Variants in MYOF observed in about 807,000 individuals in gnomAD.
MYOF encodes the protein myoferlin, also known as fer-1-like 3, myoferlin.
A neutral mutation model predicts 284.2 loss-of-function variants in MYOF; 244 were observed. The observed-to-expected ratio is 0.86, with a 90% CI of 0.77 to 0.95. MYOF has a LOEUF of 0.95. MYOF is among the 40% of genes least tolerant of loss of function. MYOF has a pLI of 0.00. For missense variants in MYOF, 2,496 were observed against 2,560.6 expected (o/e 0.97, Z 0.54); for synonymous variants, 904 against 919.7 (o/e 0.98, Z 0.31).
At chr10:93,450,526 A>G (rs1251350951) in intron 3 of MYOF, among the ~76,000 whole-genome samples, 4 of 152,224 alleles carry the variant, frequency 2.6e-5, no homozygotes, top group African/African-American at 9.7e-5. Flanking sequence ...GTAAGCTGAG[A>G]TTGCGCCACT....
chr10:93,346,238 C>T (rs912194736), intron 37 of MYOF, among the ~76,000 whole-genome samples: 3 of 152,076 alleles, frequency 2.0e-5, no homozygotes, highest in African/African-American at 7.2e-5. Flanking sequence ...TTCTCTGAAT[C>T]AGGGATCCAG....
At chr10:93,364,946 G>A (rs924457197) in intron 26 of MYOF, among the ~76,000 whole-genome samples, 8 of 152,290 alleles carry the variant, frequency 5.3e-5, no homozygotes, top group African/African-American at 1.7e-4. Context: ...GCTGCTGCCT[G>A]TAGGATTCCA....
At chr10:93,351,999 C>T (rs924336749) in intron 32 of MYOF, among the ~76,000 whole-genome samples, 153 bp from the exon 33 acceptor site, 2 of 152,156 alleles carry the variant, frequency 1.3e-5, no homozygotes, top group Non-Finnish European at 2.9e-5. Flanking sequence ...CAGGGAGTTC[C>T]CCATGGAAGG....
chr10:93,457,507 C>T (rs2056771453), intron 1 of MYOF, among the ~76,000 whole-genome samples: 1 of 152,162 alleles, frequency 6.6e-6, no homozygotes, highest in Non-Finnish European at 1.5e-5. Context: ...GCTTCCTTTA[C>T]TCCGAGGCCA....
chr10:93,443,050 T>C (rs1446163355), intron 3 of MYOF, among the ~76,000 whole-genome samples: 1 of 152,126 alleles, frequency 6.6e-6, no homozygotes, highest in South Asian at 2.1e-4. Context: ...TAATTCCAGC[T>C]ACTCCAGAGG....
intron 15 of MYOF, among the ~76,000 whole-genome samples, chr10:93,396,795 C>A (rs1254990992): frequency 6.6e-6 from 1 of 152,178 alleles, no homozygotes; most frequent in Non-Finnish European, 1.5e-5. Context: ...CCAATCAGTG[C>A]TAGAAGGCTG....
At chr10:93,357,158 C>T (rs1844845466) in intron 29 of MYOF, among the ~76,000 whole-genome samples, 1 of 152,132 alleles carries the variant, frequency 6.6e-6, no homozygotes, top group South Asian at 2.1e-4. Flanking sequence ...TCTCAAATTG[C>T]TTTCTGTTTC....
At chr10:93,435,852 C>T (rs1469443012) in intron 3 of MYOF, among the ~76,000 whole-genome samples, 4 of 151,810 alleles carry the variant, frequency 2.6e-5, no homozygotes, top group East Asian at 3.9e-4. Flanking sequence ...CTGAGTGAGT[C>T]GTGAATGTTC....
chr10:93,362,405 TG>T (rs1459711494), intron 27 of MYOF, among the ~76,000 whole-genome samples: 1 of 151,762 alleles, frequency 6.6e-6, no homozygotes, highest in Non-Finnish European at 1.5e-5. Context: ...CCACCACACT[TG>T]GCTAATTTTT....
At chr10:93,460,289 C>T (rs1323715267) in intron 1 of MYOF, among the ~76,000 whole-genome samples, 1 of 152,208 alleles carries the variant, frequency 6.6e-6, no homozygotes, top group East Asian at 1.9e-4. Flanking sequence ...ACCTTGAGGC[C>T]AAGCCTGGGA....
At chr10:93,386,344 T>A (rs1310106131) in intron 19 of MYOF, among the ~76,000 whole-genome samples, 5 of 152,120 alleles carry the variant, frequency 3.3e-5, no homozygotes, top group Non-Finnish European at 5.9e-5. Flanking sequence ...GACTTCAGAG[T>A]GGGTAATGTT....
chr10:93,326,090 A>T (rs2133783337), intron 45 of MYOF, 125 bp from the exon 46 acceptor site: 1 of 1,232,696 alleles, frequency 8.1e-7, no homozygotes, highest in African/African-American at 1.5e-5. Context: ...GCCAACATGC[A>T]AACTTTGACT....
intron 3 of MYOF, among the ~76,000 whole-genome samples, chr10:93,442,103 C>T (rs1267933963): frequency 6.7e-6 from 1 of 150,238 alleles, no homozygotes; most frequent in Non-Finnish European, 1.5e-5. Flanking sequence ...TATGTAAAAT[C>T]CACATGCTTC....
At chr10:93,323,843 A>G (rs1350754473) in intron 46 of MYOF, among the ~76,000 whole-genome samples, 1 of 152,254 alleles carries the variant, frequency 6.6e-6, no homozygotes, top group East Asian at 1.9e-4. Flanking sequence ...GCCATACCCA[A>G]GGGTTTCTCT....
chr10:93,402,619 C>A (rs1027394094), intron 10 of MYOF, among the ~76,000 whole-genome samples: 36 of 151,926 alleles, frequency 2.4e-4, no homozygotes, highest in African/African-American at 8.2e-4. Context: ...AATATCCTCA[C>A]AAAACATAGA....
At chr10:93,469,982 A>T (rs2057101698) in intron 1 of MYOF, among the ~76,000 whole-genome samples, 2 of 152,128 alleles carry the variant, frequency 1.3e-5, no homozygotes, top group Admixed American at 1.3e-4. Context: ...TAATCCCAGC[A>T]CTTTGGGAGG....
intron 3 of MYOF, among the ~76,000 whole-genome samples, chr10:93,447,171 A>G (rs924336831): frequency 6.6e-6 from 1 of 152,182 alleles, no homozygotes; most frequent in African/African-American, 2.4e-5. Context: ...GTTCAGAAAA[A>G]TATGAAAATG....
chr10:93,456,380 C>T (rs1324851915), intron 2 of MYOF, among the ~76,000 whole-genome samples: 2 of 152,138 alleles, frequency 1.3e-5, no homozygotes, highest in Non-Finnish European at 2.9e-5. Context: ...TTGAAGTTTT[C>T]AAAAGTTTCC....
chr10:93,439,708 G>A (rs1054601970), intron 3 of MYOF, among the ~76,000 whole-genome samples: 1 of 152,174 alleles, frequency 6.6e-6, no homozygotes, highest in Middle Eastern at 3.2e-3. Flanking sequence ...GGATGATATG[G>A]CAAGTGCTTA....
Sources: allele counts gnomAD v4.1 joint callset (sites outside exome capture counted in the v4.1 genomes callset), GRCh38; gene constraint gnomAD v4.1.1; transcripts MANE v1.5; gene names NCBI Gene and HGNC (gene_info 2026-07-23, HGNC 2026-07-21).